The following COL5A1 variants were observed in gnomAD, a reference collection of about 807,000 sequenced individuals.
The protein encoded by COL5A1 is collagen alpha-1(V) chain.
Under a neutral mutation model 263.7 loss-of-function variants are expected in COL5A1, and 16 were observed. The observed-to-expected ratio is 0.06, with a 90% CI of 0.04 to 0.09. COL5A1 has a LOEUF of 0.09. COL5A1 is among the 10% of genes least tolerant of loss of function. COL5A1 has a pLI of 1.00. For synonymous variants in COL5A1, 1,012 were observed against 1,004.5 expected, an observed-to-expected ratio of 1.01 and a Z score of -0.14; for missense variants, 2,036 against 2,540.5, an observed-to-expected ratio of 0.80 and a Z score of 4.27.
chr9:134,792,873 T>G (rs116372491), intron 32 of COL5A1, among the ~76,000 whole-genome samples: 4,180 of 37,472 alleles, frequency 0.11, 68 homozygotes, highest in Non-Finnish European at 0.15. Context: ...GTGCGCGCGT[T>G]TGTGCACACG....
intron 4 of COL5A1, among the ~76,000 whole-genome samples, chr9:134,723,423 T>C (rs893680907): frequency 3.9e-5 from 6 of 152,190 alleles, no homozygotes; most frequent in Non-Finnish European, 8.8e-5. Flanking sequence ...GTCTCTGTGC[T>C]GCTCCATCTG....
chr9:134,784,890 C>A, intron 29 of COL5A1, 99 bp from the exon 30 acceptor site: 2 of 976,242 alleles, frequency 2.0e-6, no homozygotes, highest in Non-Finnish European at 3.3e-6. Context: ...CCACAGGGTG[C>A]CTGTGACCTG....
chr9:134,732,237 T>C, intron 9 of COL5A1, 110 bp downstream of exon 9: 1 of 1,159,718 alleles, frequency 8.6e-7, no homozygotes, highest in Non-Finnish European at 1.3e-6. Flanking sequence ...CTGCGCGCAC[T>C]GGGTCACTTC....
At chr9:134,658,601 C>G (rs1021864274) in intron 1 of COL5A1, among the ~76,000 whole-genome samples, 4 of 152,336 alleles carry the variant, frequency 2.6e-5, no homozygotes, top group East Asian at 1.9e-4. Context: ...TTGCAGGCCC[C>G]GGAGAGGGGC....
intron 1 of COL5A1, among the ~76,000 whole-genome samples, chr9:134,655,054 G>C (rs1375216949): frequency 7.6e-6 from 1 of 131,634 alleles, no homozygotes; most frequent in Admixed American, 7.5e-5. Flanking sequence ...GGGCTGGTGT[G>C]TGTAGGGCTG....
Position 134,816,977 on chromosome 9 carries a change from G to A in COL5A1, c.4123-49G>A, listed in dbSNP as rs1475879093. The A allele has an allele frequency of 3.8e-6, 6 of 1,562,240 alleles. No homozygotes were observed. The Admixed American group carries it at 6.7e-5, about 17-fold the overall frequency. ...TCGCCATGTGTTTTGCCTCAATTGA[G>A]TCTAACGGGCCCCAATTCCTCACAC... On this transcript the variant is annotated intron_variant, in intron 52 of 65. Coordinates refer to ENST00000371817, the MANE Select transcript of COL5A1 (RefSeq NM_000093.5).
chr9:134,778,980 TCCTCCGTGTCTCCATCCCTTCCCAGAGCC>T (rs1442866069), intron 27 of COL5A1, among the ~76,000 whole-genome samples: 1 of 152,180 alleles, frequency 6.6e-6, no homozygotes, highest in Admixed American at 6.5e-5. Flanking sequence ...AGAAAGGAGC[TCCTCCGTGTCTCCATCCCTTCCCAGAGCC>T]CCTCCCTCTC....
At chr9:134,802,807 T>C in intron 38 of COL5A1, 81 bp from the exon 39 acceptor site, 1 of 1,055,354 alleles carries the variant, frequency 9.5e-7, no homozygotes, top group Non-Finnish European at 1.4e-6. Flanking sequence ...TGACCAGGGC[T>C]GTCCTTAGAT....
chr9:134,814,655 C>A, intron 49 of COL5A1, 142 bp from the exon 50 acceptor site: 1 of 705,172 alleles, frequency 1.4e-6, no homozygotes, highest in Non-Finnish European at 2.5e-6. Context: ...TGGGGAGCGA[C>A]CTGGCAGCCA....
At chr9:134,718,879 G>A (rs1834358377) in intron 4 of COL5A1, among the ~76,000 whole-genome samples, 1 of 152,202 alleles carries the variant, frequency 6.6e-6, no homozygotes, top group South Asian at 2.1e-4. Flanking sequence ...CCTCCTGGGG[G>A]GGCTGCAAGA....
chr9:134,832,740 A>C (rs1839691729), intron 64 of COL5A1: 1 of 152,116 alleles, frequency 6.6e-6, no homozygotes, highest in Admixed American at 6.5e-5. Context: ...TTCCTCCTCA[A>C]GGTTTGCCCG....
In COL5A1 at chr9:134,751,529, G is replaced by T. The variant is rs924423506; in HGVS notation, c.1662+647G>T. ...GAGCCCCTCACTCTCAGCCTGGGGG[G>T]TCCTAAGGAGCAGGGTCCGCAGAGG... On this transcript the variant is annotated intron_variant, in intron 13 of 65. Coordinates refer to ENST00000371817, the MANE Select transcript of COL5A1 (RefSeq NM_000093.5). Among the ~76,000 whole-genome samples the T allele has an allele frequency of 5.9e-4, 90 of 152,198 alleles. 1 individual carries two copies. The highest frequency in any genetic ancestry group is 5.6e-3 in the Admixed American group (85 of 15,286).
intron 25 of COL5A1, among the ~76,000 whole-genome samples, chr9:134,772,255 C>T (rs929582986): frequency 6.6e-6 from 1 of 152,216 alleles, no homozygotes; most frequent in Non-Finnish European, 1.5e-5. Context: ...CTTTTGGTTC[C>T]CCAACAATCA....
chr9:134,661,984 G>C (rs972033912), intron 1 of COL5A1, among the ~76,000 whole-genome samples: 1 of 152,050 alleles, frequency 6.6e-6, no homozygotes, highest in African/African-American at 2.4e-5. Context: ...CCTTCTCTGG[G>C]GCGGTTACTC....
chr9:134,792,838 TATGTGTGTGTGCGCACAC>T (rs1207429149), intron 32 of COL5A1, among the ~76,000 whole-genome samples: 4 of 147,534 alleles, frequency 2.7e-5, no homozygotes, highest in Non-Finnish European at 5.9e-5. Context: ...TATGCATGTG[TATGTGTGTGTGCGCACAC>T]GTGTGTGTGC....
intron 11 of COL5A1, among the ~76,000 whole-genome samples, chr9:134,739,724 C>A (rs1443172530): frequency 6.6e-6 from 1 of 152,104 alleles, no homozygotes; most frequent in Non-Finnish European, 1.5e-5. Context: ...GACAGTAAGT[C>A]CTGGCCTTGG....
chr9:134,685,585 C>CTCCA (rs1554779287), intron 1 of COL5A1, among the ~76,000 whole-genome samples: 763 of 8,132 alleles, frequency 0.094, 63 homozygotes, highest in African/African-American at 0.21. Context: ...TCCATCCATC[C>CTCCA]TCCATCCATC....
chr9:134,783,139 G>T (rs927172309), intron 29 of COL5A1, among the ~76,000 whole-genome samples: 3 of 152,226 alleles, frequency 2.0e-5, no homozygotes, highest in Non-Finnish European at 4.4e-5. Context: ...TGCTGCCCAG[G>T]CCACACGGCC....
At position 134,642,171 on chromosome 9, in the gene COL5A1, G is replaced by T; in HGVS notation, c.-17G>T. 8.0e-7 allele frequency: 1 copy of T among 1,251,014 alleles called. No homozygotes were observed. The highest frequency in any genetic ancestry group is 1.0e-6 in the Non-Finnish European group (1 of 1,002,778). The allele number at this position is 1,251,014 out of a possible 1,614,324, so 77.5% of individuals were successfully genotyped here. On this transcript the variant is annotated 5_prime_UTR_variant, in exon 1 of 66. Coordinates refer to ENST00000371817, the MANE Select transcript of COL5A1 (RefSeq NM_000093.5). The surrounding 1 kb of genome is among the most constrained non-coding windows in gnomAD (Gnocchi z 4.5). ...CCTCCGAGCGCCCCTGTGCGCCCCG[G>T]CCCGCGCCCCGCCGGCATGGACGTC...
Sources: allele counts gnomAD v4.1 joint callset (sites outside exome capture counted in the v4.1 genomes callset), GRCh38; gene constraint gnomAD v4.1.1; non-coding constraint Gnocchi (gnomAD v3.1); transcripts MANE v1.5; gene names NCBI Gene and HGNC (gene_info 2026-07-23, HGNC 2026-07-21).